SOX5: variants seen among roughly 807,000 people sequenced by gnomAD.
SOX5 encodes the protein transcription factor SOX-5.
SOX5 carries 9 observed loss-of-function variants against 92.0 expected under a neutral mutation model. The observed-to-expected ratio is 0.10, with a 90% CI of 0.06 to 0.17. The LOEUF (loss-of-function observed/expected upper bound fraction) is 0.17. Ranked by LOEUF, SOX5 falls within the 10% of genes least tolerant of loss-of-function variation. The pLI is 1.00. For synonymous variants in SOX5, 344 were observed against 336.3 expected, an observed-to-expected ratio of 1.02 and a Z score of -0.25; for missense variants, 642 against 944.5, an observed-to-expected ratio of 0.68 and a Z score of 4.20.
At chr12:24,250,250 T>C (rs1466570606) in intron 3 of SOX5, among the ~76,000 whole-genome samples, 1 of 152,222 alleles carries the variant, frequency 6.6e-6, no homozygotes, top group African/African-American at 2.4e-5. Context: ...TCAAGAAGCA[T>C]AATCATCCTC....
intron 1 of SOX5, among the ~76,000 whole-genome samples, chr12:24,410,818 A>G (rs978491596): frequency 2.0e-5 from 3 of 152,168 alleles, no homozygotes; most frequent in Non-Finnish European, 4.4e-5. Flanking sequence ...TGAAATTTCA[A>G]TATAAATTTT....
chr12:23,652,100 C>T (rs1214063559), intron 7 of SOX5, among the ~76,000 whole-genome samples: 1 of 151,968 alleles, frequency 6.6e-6, no homozygotes, highest in African/African-American at 2.4e-5. Flanking sequence ...AATCCTTCTC[C>T]TACTCTTTAG....
At chr12:23,819,358 C>T (rs576748286) in intron 3 of SOX5, among the ~76,000 whole-genome samples, 1 of 152,206 alleles carries the variant, frequency 6.6e-6, no homozygotes, top group South Asian at 2.1e-4. Context: ...TGTGTAAAAA[C>T]TTGTTCTAGG....
Position 23,534,488 on chromosome 12 carries a change from C to T in SOX5, c.2023G>A (p.Val675Ile). The change falls in exon 15 of 15, where the codon GTT becomes ATT. Residue 675 changes from valine to isoleucine, a missense_variant. Val to Ile is a conservative substitution (Grantham distance 29, BLOSUM62 3). Transcript: ENST00000451604. ...ATGGCGATGGCTCCAGGGTACACAACACCAGCAGTGGCAATGGGGATCTGT... is the reference window on the plus strand; with the variant it reads ...ATGGCGATGGCTCCAGGGTACACAATACCAGCAGTGGCAATGGGGATCTGT... ...QAQIPIATAG[V>I]VYPGAIAMAG... 1 of 1,613,712 alleles carries T rather than the reference C, an allele frequency of 6.2e-7. No homozygotes were observed. Among genetic ancestry groups the T allele is most frequent in the Non-Finnish European group, 8.5e-7 (1 of 1,179,932 alleles).
At chr12:23,835,739 A>T (rs1190630467) in intron 3 of SOX5, among the ~76,000 whole-genome samples, 2 of 151,872 alleles carry the variant, frequency 1.3e-5, no homozygotes, top group Non-Finnish European at 2.9e-5. Context: ...ATAATAGTAA[A>T]TGATTATTTG....
At chr12:24,434,305 T>C (rs1208234045) in intron 1 of SOX5, among the ~76,000 whole-genome samples, 1 of 152,182 alleles carries the variant, frequency 6.6e-6, no homozygotes, top group South Asian at 2.1e-4. Flanking sequence ...AAGAAACTCA[T>C]AGAGTATGAA....
intron 7 of SOX5, among the ~76,000 whole-genome samples, chr12:23,659,472 C>T (rs1440876805): frequency 6.6e-6 from 1 of 151,998 alleles, no homozygotes; most frequent in African/African-American, 2.4e-5. Context: ...TCTCATGAGG[C>T]AATTAAATAT....
chr12:23,818,955 T>A (rs1229028039), intron 3 of SOX5, among the ~76,000 whole-genome samples: 2 of 152,190 alleles, frequency 1.3e-5, no homozygotes, highest in African/African-American at 2.4e-5. Flanking sequence ...TCTCCTATGA[T>A]AACAATGCCT....
intron 4 of SOX5, among the ~76,000 whole-genome samples, chr12:24,058,334 C>T (rs994283172): frequency 1.3e-5 from 2 of 152,216 alleles, no homozygotes; most frequent in African/African-American, 4.8e-5. Context: ...TTCTCTTTCA[C>T]ACAATGCTAC....
At chr12:24,428,728 A>AAAAAAAAAAAAAAC (rs1967035190) in intron 1 of SOX5, among the ~76,000 whole-genome samples, 1 of 24,256 alleles carries the variant, frequency 4.1e-5, no homozygotes, top group African/African-American at 1.9e-4. Context: ...CTGTTTCTCA[A>AAAAAAAAAAAAAAC]AAAAAAAAAA....
intron 6 of SOX5, among the ~76,000 whole-genome samples, chr12:23,714,317 T>A (rs76547134): frequency 0.041 from 6,241 of 152,236 alleles, 228 homozygotes; most frequent in East Asian, 0.15. Flanking sequence ...TAAAGTCATT[T>A]TTAACAGTAT....
At chr12:23,912,050 T>C (rs1222622241) in intron 1 of SOX5, among the ~76,000 whole-genome samples, 2 of 152,064 alleles carry the variant, frequency 1.3e-5, no homozygotes, top group Non-Finnish European at 2.9e-5. Context: ...CAAATATATA[T>C]CTGGTAAGAG....
chr12:24,277,526 G>GTAAATT (rs1944624056), intron 2 of SOX5, among the ~76,000 whole-genome samples: 4 of 58,480 alleles, frequency 6.8e-5, no homozygotes, highest in African/African-American at 9.4e-5. Flanking sequence ...ATATTTATAT[G>GTAAATT]TATATAATTT....
intron 11 of SOX5, among the ~76,000 whole-genome samples, chr12:23,560,395 A>G (rs1257005692): frequency 6.6e-6 from 1 of 152,244 alleles, no homozygotes; most frequent in East Asian, 1.9e-4. Context: ...TTGAGTGATT[A>G]TAAAACTCTA....
intron 3 of SOX5, among the ~76,000 whole-genome samples, chr12:23,770,944 A>G (rs1189558697): frequency 6.6e-6 from 1 of 152,158 alleles, no homozygotes; most frequent in Non-Finnish European, 1.5e-5. Context: ...AACATGCTAT[A>G]TCTTTCTGTC....
At chr12:23,835,115 A>G (rs2096391274) in intron 3 of SOX5, among the ~76,000 whole-genome samples, 1 of 151,890 alleles carries the variant, frequency 6.6e-6, no homozygotes, top group South Asian at 2.1e-4. Context: ...ACCCGGAAGT[A>G]GAGAACACAA....
At chr12:24,076,748 T>C (rs978796126) in intron 4 of SOX5, among the ~76,000 whole-genome samples, 7 of 149,644 alleles carry the variant, frequency 4.7e-5, no homozygotes, top group African/African-American at 1.7e-4. Flanking sequence ...TGAAAGCTCT[T>C]CTAAGGAGTT....
At chr12:24,419,263 A>G (rs1296364882) in intron 1 of SOX5, among the ~76,000 whole-genome samples, 1 of 152,078 alleles carries the variant, frequency 6.6e-6, no homozygotes, top group Admixed American at 6.5e-5. Context: ...AACTCCTCCC[A>G]AGTAGCTGAG....
intron 4 of SOX5, among the ~76,000 whole-genome samples, chr12:24,200,136 G>A (rs549207468): frequency 6.6e-6 from 1 of 152,258 alleles, no homozygotes; most frequent in South Asian, 2.1e-4. Context: ...TCTCATATGT[G>A]TCATAAGGCA....
Sources: gnomAD v4.1 joint callset for allele counts (sites outside exome capture counted in the v4.1 genomes callset) on GRCh38, gnomAD v4.1.1 for gene constraint, MANE v1.5 for transcripts, NCBI Gene and HGNC (gene_info 2026-07-23, HGNC 2026-07-21) for gene names.